The following AK9 variants were observed in gnomAD, a reference collection of about 807,000 sequenced individuals.
The protein encoded by AK9 is adenylate kinase domain containing 1.
Under a neutral mutation model 239.6 loss-of-function variants are expected in AK9, and 191 were observed. That is an observed-to-expected ratio of 0.80 (90% CI 0.71 to 0.90). The LOEUF (loss-of-function observed/expected upper bound fraction) is 0.90, where lower values mean the gene tolerates loss of function less well. Ranked by LOEUF, AK9 falls within the 40% of genes least tolerant of loss-of-function variation. The pLI is 0.00. For synonymous variants in AK9, 689 were observed against 721.0 expected (o/e 0.96, Z 0.71); for missense variants, 1,995 against 2,214.7 (o/e 0.90, Z 1.99).
chr6:109,620,029 A>C (rs1197141291), intron 12 of AK9, among the ~76,000 whole-genome samples: 1 of 152,134 alleles, frequency 6.6e-6, no homozygotes, highest in Non-Finnish European at 1.5e-5. Flanking sequence ...TTGTATGAAT[A>C]TACTACAGTT....
chr6:109,689,185 T>C (rs1773947871), intron 1 of AK9, among the ~76,000 whole-genome samples: 1 of 152,262 alleles, frequency 6.6e-6, no homozygotes, highest in East Asian at 1.9e-4. Flanking sequence ...CTTGTCCCAT[T>C]AATCTTTTTT....
At position 109,657,736 on chromosome 6, in the gene AK9, TCC is replaced by T. The variant is rs1388847537; in HGVS notation, c.631-854_631-853del. 2.1e-4 allele frequency among the ~76,000 whole-genome samples: 32 copies of T among 152,026 alleles called. No homozygotes were observed. In the East Asian group the frequency reaches 5.8e-3, roughly 28 times the overall value. On this transcript the variant is annotated intron_variant, in intron 7 of 40. Coordinates refer to ENST00000424296, the MANE Select transcript of AK9 (RefSeq NM_001145128.3). ...CCTGACAGGCTCTGGTGTGTGATGT[TCC>T]CCTTCCTGTGTCCAAGTGTTCTCAT...
chr6:109,641,541 C>A lies in AK9; in HGVS notation c.910G>T (p.Glu304Ter). 6.2e-7 allele frequency: 1 copy of A among 1,613,078 alleles called. No individual in the cohort carries two copies. Among genetic ancestry groups the A allele is most frequent in the Non-Finnish European group, 8.5e-7 (1 of 1,179,196 alleles). ...ACATTTTCCATTGTGTCATTAATTT[C>A]TTCCTCTGCACCCTGAAGTTTGGTT... ...ILTKLQGAEE[E>*]INDTMENDEL... Residue 304 changes from glutamate to a stop codon, truncating the protein, a stop_gained, in exon 10 of 41, where the codon GAA becomes TAA. Transcript: ENST00000424296. LOFTEE classifies it high-confidence loss of function.
At chr6:109,571,030 G>T (rs1787350934) in intron 21 of AK9, among the ~76,000 whole-genome samples, 1 of 152,182 alleles carries the variant, frequency 6.6e-6, no homozygotes, top group African/African-American at 2.4e-5. Flanking sequence ...AAAAGGTTAT[G>T]ACAATGATTT....
In AK9 at chr6:109,674,188, T is replaced by C. The variant is rs892358774; in HGVS notation, c.181+10A>G. ...ATAATAAAATATTAGAGAAAAAAGA[T>C]AAAATTTACCTTCAACACGAATACA... On this transcript the variant is annotated intron_variant, in intron 3 of 40. Transcript: ENST00000424296. 15 of 1,564,494 alleles carry C rather than the reference T, an allele frequency of 9.6e-6. No homozygotes were observed. The highest frequency in any genetic ancestry group is 2.0e-5 in the Admixed American group (1 of 49,750).
At chr6:109,659,441 A>G (rs949615505) in intron 6 of AK9, 28 bp from the exon 7 acceptor site, 1 of 1,574,386 alleles carries the variant, frequency 6.4e-7, no homozygotes, top group Admixed American at 1.8e-5. Flanking sequence ...TAAATCACTT[A>G]AAACATTTTG....
chr6:109,580,501 T>C (rs1338498194), intron 19 of AK9, among the ~76,000 whole-genome samples: 1 of 152,216 alleles, frequency 6.6e-6, no homozygotes, highest in Non-Finnish European at 1.5e-5. Context: ...CAAAAAATTA[T>C]ATCAGGTATT....
intron 29 of AK9, among the ~76,000 whole-genome samples, chr6:109,527,001 G>C (rs1582844546): frequency 6.6e-6 from 1 of 152,154 alleles, no homozygotes; most frequent in Non-Finnish European, 1.5e-5. Flanking sequence ...ACTCTTCTCC[G>C]AGGCGTAGTC....
intron 5 of AK9, among the ~76,000 whole-genome samples, chr6:109,667,706 T>C (rs1801426322): frequency 6.6e-6 from 1 of 152,348 alleles, no homozygotes; most frequent in African/African-American, 2.4e-5. Context: ...TCCAGCTTCA[T>C]CCATGTACCT....
chr6:109,579,785 T>C (rs940282683), intron 19 of AK9, among the ~76,000 whole-genome samples, 159 bp from the exon 20 acceptor site: 9 of 152,224 alleles, frequency 5.9e-5, no homozygotes, highest in African/African-American at 2.2e-4. Context: ...ACTAGTTACT[T>C]TTCAGCATTT....
chr6:109,669,190 G>C (rs1028502578), intron 5 of AK9, among the ~76,000 whole-genome samples: 11 of 151,690 alleles, frequency 7.3e-5, no homozygotes, highest in Middle Eastern at 6.8e-3. Context: ...TGATTTGGCT[G>C]TTTGTTATTG....
chr6:109,501,009 A>G (rs1263238414), intron 35 of AK9, among the ~76,000 whole-genome samples: 1 of 152,118 alleles, frequency 6.6e-6, no homozygotes, highest in Non-Finnish European at 1.5e-5. Flanking sequence ...TCTCAAACAA[A>G]CAAACAAACA....
chr6:109,662,629 C>T lies in AK9; in HGVS notation c.366G>A (p.Gln122=), dbSNP rs1354874433. 6 of 1,579,294 alleles carry T rather than the reference C, an allele frequency of 3.8e-6. No individual in the cohort carries two copies. Among genetic ancestry groups the T allele is most frequent in the Non-Finnish European group, 5.2e-6 (6 of 1,162,272 alleles). ...TTTGCTGTAAGGTAGTCATGGCATC[C>T]TGTGAAAGTGATGGTATTTCAGTGA... The part of the protein sequence containing the change: ...YIITEIPSLS[Q]DAMTTLQQIE... The change falls in exon 6 of 41, where the codon CAG becomes CAA. Residue 122 remains glutamine, a synonymous_variant. Coordinates refer to ENST00000424296, the MANE Select transcript of AK9 (RefSeq NM_001145128.3).
At chr6:109,539,895 G>A (rs1434350601) in intron 27 of AK9, among the ~76,000 whole-genome samples, 2 of 152,184 alleles carry the variant, frequency 1.3e-5, no homozygotes, top group East Asian at 3.9e-4. Context: ...CTGGGTATCA[G>A]CAGTGGAGGC....
At chr6:109,535,802 C>G (rs1781897249) in intron 27 of AK9, among the ~76,000 whole-genome samples, 1 of 152,142 alleles carries the variant, frequency 6.6e-6, no homozygotes, top group Non-Finnish European at 1.5e-5. Flanking sequence ...AAGAAGGGAT[C>G]CAGTTTCAGC....
rs1200403946 is a variant in AK9, at chr6:109,579,646, A to G, written c.2115-20T>C. On this transcript the variant is annotated intron_variant, in intron 19 of 40. Transcript: ENST00000424296. ...GCTTTTCTGAAATGAAAAGGTTCAAATTTAATTATCTTTGGAAATTCAGAC... is the reference window on the plus strand; with the variant it reads ...GCTTTTCTGAAATGAAAAGGTTCAAGTTTAATTATCTTTGGAAATTCAGAC... 1 of 1,544,688 alleles carries G rather than the reference A, an allele frequency of 6.5e-7. No individual in the cohort carries two copies. Among genetic ancestry groups the G allele is most frequent in the Non-Finnish European group, 8.8e-7 (1 of 1,142,140 alleles).
At chr6:109,495,122 T>C (rs1776904114) in intron 39 of AK9, among the ~76,000 whole-genome samples, 1 of 152,262 alleles carries the variant, frequency 6.6e-6, no homozygotes, top group African/African-American at 2.4e-5. Context: ...CTCTTCACTT[T>C]AGTGCAGATA....
At chr6:109,653,922 A>AT (rs1259955186) in intron 8 of AK9, among the ~76,000 whole-genome samples, 1 of 152,176 alleles carries the variant, frequency 6.6e-6, no homozygotes, top group East Asian at 1.9e-4. Context: ...ACAAAATCCA[A>AT]TATCTACTGG....
Position 109,674,219 on chromosome 6 carries a change from A to C in AK9, c.160T>G (p.Trp54Gly). The C allele has an allele frequency of 2.5e-6, 4 of 1,586,734 alleles. No homozygotes were observed. The highest frequency in any genetic ancestry group is 3.4e-6 in the Non-Finnish European group (4 of 1,169,446). ...TTLARYITQA[W>G]KCIRVEALPI... Reference sequence around the variant, plus strand: ...TTACCTTCAACACGAATACATTTCCATGCCTGTGTTATGTAACGGGCTAAT... The same window carrying C: ...TTACCTTCAACACGAATACATTTCCCTGCCTGTGTTATGTAACGGGCTAAT... The change falls in exon 3 of 41, where the codon TGG becomes GGG. Residue 54 changes from tryptophan to glycine, a missense_variant. Physicochemically the swap from Trp to Gly is radical, Grantham distance 184. This residue lies in a region of AK9 where 252 missense variants were observed against 246.4 expected (regional missense o/e 1.02). Transcript: ENST00000424296.
Sources: allele counts gnomAD v4.1 joint callset (sites outside exome capture counted in the v4.1 genomes callset), GRCh38; gene constraint gnomAD v4.1.1; regional missense constraint gnomAD v4.1.1; transcripts MANE v1.5; gene names NCBI Gene and HGNC (gene_info 2026-07-23, HGNC 2026-07-21).